The following MYRIP variants were observed in gnomAD, a reference collection of about 807,000 sequenced individuals.
The protein encoded by MYRIP is rab effector MyRIP.
Under a neutral mutation model 98.0 loss-of-function variants are expected in MYRIP, and 49 were observed. The ratio of observed to expected loss-of-function variants is 0.50; its 90% CI spans 0.40 to 0.63. MYRIP has a LOEUF of 0.63. Ranked by LOEUF, MYRIP falls within the 30% of genes least tolerant of loss-of-function variation. The pLI, the probability that MYRIP is intolerant of heterozygous loss-of-function variation, is 0.00. For missense variants in MYRIP, 1,004 were observed against 1,058.2 expected (o/e 0.95, Z 0.71); for synonymous variants, 404 against 409.5 (o/e 0.99, Z 0.16).
At chr3:39,877,468 T>C (rs1466178865) in intron 1 of MYRIP, among the ~76,000 whole-genome samples, 2 of 152,084 alleles carry the variant, frequency 1.3e-5, no homozygotes, top group Admixed American at 1.3e-4. Flanking sequence ...CCCATCTTTG[T>C]GGTTTTATCT....
At position 40,045,354 on chromosome 3, in the gene MYRIP, G is replaced by T. The variant is rs140944440; in HGVS notation, c.332+1083G>T. ...CAAAAAGTGGTATGTTAAGCACCCA[G>T]TATCCAAGGCTGGGTGCTACGCAGG... On this transcript the variant is annotated intron_variant, in intron 3 of 16. Coordinates refer to ENST00000302541, the MANE Select transcript of MYRIP (RefSeq NM_015460.4). 1.0e-3 allele frequency among the ~76,000 whole-genome samples: 158 copies of T among 152,230 alleles called. 5 individuals are homozygous for T. In the East Asian group the frequency reaches 0.029, roughly 28 times the overall value.
At chr3:40,117,023 A>T (rs950617163) in intron 3 of MYRIP, among the ~76,000 whole-genome samples, 1 of 152,136 alleles carries the variant, frequency 6.6e-6, no homozygotes. Flanking sequence ...ACAGTCTCAC[A>T]TGAGTGGCTG....
chr3:40,210,127 A>C, intron 11 of MYRIP, 34 bp downstream of exon 11: 8 of 1,604,958 alleles, frequency 5.0e-6, no homozygotes, highest in Non-Finnish European at 6.8e-6. Flanking sequence ...AGACAGCTCA[A>C]GCTTCTGCAG....
chr3:40,054,670 A>C (rs373937067), intron 3 of MYRIP, among the ~76,000 whole-genome samples: 42 of 151,962 alleles, frequency 2.8e-4, no homozygotes, highest in African/African-American at 9.9e-4. Context: ...TGCAACATCC[A>C]CTCTTCCCTG....
intron 1 of MYRIP, among the ~76,000 whole-genome samples, chr3:39,837,234 T>C (rs1417005043): frequency 3.3e-5 from 5 of 152,258 alleles, no homozygotes; most frequent in Non-Finnish European, 7.3e-5. Flanking sequence ...ATCCCATTTG[T>C]CAATTTTGGC....
chr3:40,192,330 T>TATATATATATGTCATATATATATATGTC (rs1181618839), intron 10 of MYRIP, among the ~76,000 whole-genome samples: 1 of 100,092 alleles, frequency 1.0e-5, no homozygotes, highest in Non-Finnish European at 1.9e-5. Flanking sequence ...ATATATGTCA[T>TATATATATATGTCATATATATATATGTC]ATATATATAT....
chr3:40,258,180 C>T lies in MYRIP; in HGVS notation c.*14C>T. The T allele has an allele frequency of 6.2e-7, 1 of 1,614,186 alleles. No homozygotes were observed. Among genetic ancestry groups the T allele is most frequent in the Non-Finnish European group, 8.5e-7 (1 of 1,179,998 alleles). On this transcript the variant is annotated 3_prime_UTR_variant, in exon 17 of 17. Coordinates refer to ENST00000302541, the MANE Select transcript of MYRIP (RefSeq NM_015460.4). ...GTGATGTACTGACACCATGGAATTC[C>T]ACTGCCAGTGACCCACTGCCTCCGG...
intron 2 of MYRIP, among the ~76,000 whole-genome samples, chr3:39,962,514 T>A (rs1945347795): frequency 6.6e-6 from 1 of 151,968 alleles, no homozygotes; most frequent in Admixed American, 6.6e-5. Flanking sequence ...ATAAAGTTCA[T>A]TCTCATGTGA....
chr3:39,911,405 A>C (rs987234148), intron 2 of MYRIP, among the ~76,000 whole-genome samples: 1 of 152,170 alleles, frequency 6.6e-6, no homozygotes, highest in Non-Finnish European at 1.5e-5. Context: ...ACTTTCTTTA[A>C]TAACAGTTTT....
intron 3 of MYRIP, among the ~76,000 whole-genome samples, chr3:40,097,887 A>G (rs1306210767): frequency 6.6e-6 from 1 of 152,222 alleles, no homozygotes; most frequent in Non-Finnish European, 1.5e-5. Context: ...AAATGAGCTC[A>G]GTGACTTAAA....
intron 2 of MYRIP, among the ~76,000 whole-genome samples, chr3:40,035,853 T>C (rs989042353): frequency 2.0e-5 from 3 of 151,998 alleles, no homozygotes; most frequent in Non-Finnish European, 4.4e-5. Flanking sequence ...TCATTAGAAC[T>C]TCTGGAAATA....
chr3:40,207,083 T>C (rs770534777), intron 10 of MYRIP, among the ~76,000 whole-genome samples: 4 of 152,186 alleles, frequency 2.6e-5, no homozygotes, highest in Non-Finnish European at 4.4e-5. Context: ...ACTACAACAG[T>C]AGCAGAAAAT....
chr3:40,176,276 A>G (rs1950755747), intron 8 of MYRIP, among the ~76,000 whole-genome samples: 1 of 152,224 alleles, frequency 6.6e-6, no homozygotes, highest in South Asian at 2.1e-4. Flanking sequence ...AAATAAAACT[A>G]AAAATCTAGT....
At chr3:39,912,606 T>A (rs1205485747) in intron 2 of MYRIP, among the ~76,000 whole-genome samples, 1 of 152,200 alleles carries the variant, frequency 6.6e-6, no homozygotes, top group East Asian at 1.9e-4. Context: ...TACAACCCCA[T>A]ATAACACTTC....
chr3:40,134,619 T>A (rs1177657153), intron 3 of MYRIP, among the ~76,000 whole-genome samples: 1 of 152,202 alleles, frequency 6.6e-6, no homozygotes, highest in Non-Finnish European at 1.5e-5. Flanking sequence ...GTAGCCTAAC[T>A]GGGAGGCACA....
chr3:40,054,817 C>T (rs919650496), intron 3 of MYRIP, among the ~76,000 whole-genome samples: 1 of 152,170 alleles, frequency 6.6e-6, no homozygotes, highest in Non-Finnish European at 1.5e-5. Context: ...GAGTGGATGC[C>T]TTGGCAACCG....
At chr3:40,023,611 C>T (rs759496378) in intron 2 of MYRIP, among the ~76,000 whole-genome samples, 19 of 152,214 alleles carry the variant, frequency 1.2e-4, no homozygotes, top group Non-Finnish European at 2.5e-4. Flanking sequence ...AATGTAAAGC[C>T]GAAAAATGAC....
At chr3:39,984,754 G>T (rs1225748266) in intron 2 of MYRIP, among the ~76,000 whole-genome samples, 3 of 152,014 alleles carry the variant, frequency 2.0e-5, no homozygotes, top group Non-Finnish European at 4.4e-5. Context: ...TAATGGGATT[G>T]CTGGGTCAAA....
At chr3:39,916,809 G>A (rs561339706) in intron 2 of MYRIP, among the ~76,000 whole-genome samples, 40 of 151,580 alleles carry the variant, frequency 2.6e-4, no homozygotes, top group African/African-American at 8.2e-4. Flanking sequence ...ATATAAAACC[G>A]GCCATAAATG....
Sources: allele counts gnomAD v4.1 joint callset (sites outside exome capture counted in the v4.1 genomes callset), GRCh38; gene constraint gnomAD v4.1.1; transcripts MANE v1.5; gene names NCBI Gene and HGNC (gene_info 2026-07-23, HGNC 2026-07-21).